KSR2: variants seen among roughly 807,000 people sequenced by gnomAD.
The protein encoded by KSR2 is kinase suppressor of ras 2.
In KSR2, 25 loss-of-function variants were observed where a neutral mutation model predicts 107.8. The ratio of observed to expected loss-of-function variants is 0.23; its 90% CI spans 0.17 to 0.32. KSR2 has a LOEUF of 0.32. Ranked by LOEUF, KSR2 falls within the 10% of genes least tolerant of loss-of-function variation. The probability of loss-of-function intolerance (pLI) is 1.00; values close to 1 mark genes in which losing one functional copy is unlikely to be tolerated. For synonymous variants in KSR2, 480 were observed against 507.0 expected (o/e 0.95, Z 0.71); for missense variants, 887 against 1,268.9 (o/e 0.70, Z 4.57).
chr12:117,874,565 C>A (rs1470888436), intron 1 of KSR2, among the ~76,000 whole-genome samples: 1 of 152,078 alleles, frequency 6.6e-6, no homozygotes, highest in African/African-American at 2.4e-5. Flanking sequence ...GATGGGGAAA[C>A]CAGGCCTTGG....
chr12:117,927,672 G>A (rs1347635917), intron 1 of KSR2, among the ~76,000 whole-genome samples: 11 of 151,906 alleles, frequency 7.2e-5, no homozygotes, highest in East Asian at 3.9e-4. Flanking sequence ...CAACCTGGGC[G>A]ACAGAGCAAG....
chr12:117,652,068 C>T (rs1262625761), intron 5 of KSR2, among the ~76,000 whole-genome samples: 2 of 152,234 alleles, frequency 1.3e-5, no homozygotes, highest in Admixed American at 1.3e-4. Flanking sequence ...AATGGAAAAC[C>T]AAACATTGTA....
chr12:117,582,234 C>T (rs1226405556), intron 6 of KSR2, 56 bp downstream of exon 6: 1 of 1,493,446 alleles, frequency 6.7e-7, no homozygotes, highest in Non-Finnish European at 9.3e-7. Context: ...GGCCAGAGCC[C>T]CCACCCCTCA....
chr12:117,968,297 G>C lies in KSR2; in HGVS notation c.-42C>G. 2 of 410,868 alleles carry C rather than the reference G, an allele frequency of 4.9e-6. No individual in the cohort carries two copies. Among genetic ancestry groups the C allele is most frequent in the Non-Finnish European group, 6.9e-6 (2 of 291,582 alleles). The allele number at this position is 410,868 out of a possible 1,614,324, so 25.5% of individuals were successfully genotyped here. ...CCCTTCCCCTCCTCCTCCTCCCAGAGAGAAAAAAGAGGGGGGGGAGTAGAG... is the reference window on the plus strand; with the variant it reads ...CCCTTCCCCTCCTCCTCCTCCCAGACAGAAAAAAGAGGGGGGGGAGTAGAG... On this transcript the variant is annotated 5_prime_UTR_variant, in exon 1 of 20. Transcript: ENST00000339824.
At chr12:117,626,193 T>A (rs1882501754) in intron 5 of KSR2, among the ~76,000 whole-genome samples, 1 of 152,168 alleles carries the variant, frequency 6.6e-6, no homozygotes, top group Non-Finnish European at 1.5e-5. Context: ...GTTTTTTGTG[T>A]CTCTATCTCT....
At chr12:117,809,491 C>G (rs1891122869) in intron 3 of KSR2, among the ~76,000 whole-genome samples, 1 of 152,130 alleles carries the variant, frequency 6.6e-6, no homozygotes, top group African/African-American at 2.4e-5. Context: ...AAAAATCACC[C>G]CCAGTTGAGA....
intron 3 of KSR2, among the ~76,000 whole-genome samples, chr12:117,796,993 A>G (rs886501528): frequency 3.9e-5 from 6 of 152,170 alleles, no homozygotes; most frequent in African/African-American, 1.2e-4. Flanking sequence ...CTGGGAACAC[A>G]ACAAAGAACA....
intron 3 of KSR2, among the ~76,000 whole-genome samples, chr12:117,790,131 A>C (rs1890205729): frequency 6.6e-6 from 1 of 152,322 alleles, no homozygotes; most frequent in Non-Finnish European, 1.5e-5. Flanking sequence ...TTGTGAGCCC[A>C]AATATCTGAG....
At chr12:117,643,339 C>T (rs1565941210) in intron 5 of KSR2, among the ~76,000 whole-genome samples, 2 of 151,990 alleles carry the variant, frequency 1.3e-5, no homozygotes, top group African/African-American at 2.4e-5. Flanking sequence ...CCTAGCTACT[C>T]GGGAGGGTGA....
chr12:117,587,735 A>G (rs1362481361), intron 5 of KSR2, among the ~76,000 whole-genome samples: 1 of 152,206 alleles, frequency 6.6e-6, no homozygotes, highest in Admixed American at 6.5e-5. Flanking sequence ...AAATGAGCCA[A>G]GAAATAAGAG....
chr12:117,710,768 G>A lies in KSR2; in HGVS notation c.987-43110C>T, dbSNP rs550804704. On this transcript the variant is annotated intron_variant, in intron 4 of 19. Transcript: ENST00000339824. Reference sequence around the variant, plus strand: ...ATAAACGGTCAGTACTATCATGATGGTGATATTTTTTTAATGCATGCTCTG... The same window carrying A: ...ATAAACGGTCAGTACTATCATGATGATGATATTTTTTTAATGCATGCTCTG... Among the ~76,000 whole-genome samples the A allele has an allele frequency of 2.6e-5, 4 of 152,284 alleles. No homozygotes were observed. In the East Asian group the frequency reaches 7.7e-4, roughly 29 times the overall value.
chr12:117,743,677 A>G (rs1311263659), intron 4 of KSR2, among the ~76,000 whole-genome samples: 1 of 152,186 alleles, frequency 6.6e-6, no homozygotes, highest in African/African-American at 2.4e-5. Flanking sequence ...AATTTGGCCA[A>G]TGGGTGGCAT....
At chr12:117,804,332 C>G (rs948227455) in intron 3 of KSR2, among the ~76,000 whole-genome samples, 3 of 152,150 alleles carry the variant, frequency 2.0e-5, no homozygotes, top group South Asian at 4.1e-4. Flanking sequence ...CGTGAGCCAC[C>G]GCACCCGGCC....
At chr12:117,685,011 G>A (rs201208615) in intron 4 of KSR2, among the ~76,000 whole-genome samples, 2 of 152,140 alleles carry the variant, frequency 1.3e-5, no homozygotes, top group East Asian at 3.9e-4. Flanking sequence ...GGGAGGGGAG[G>A]GGTAGGGGCT....
chr12:117,801,838 T>TA, intron 3 of KSR2, among the ~76,000 whole-genome samples: 1 of 84,356 alleles, frequency 1.2e-5, no homozygotes, highest in African/African-American at 1.1e-4. Context: ...GGAAGTACCG[T>TA]GGGGGGAAGA....
At chr12:117,623,186 C>T (rs759284750) in intron 5 of KSR2, among the ~76,000 whole-genome samples, 11 of 152,160 alleles carry the variant, frequency 7.2e-5, no homozygotes, top group Non-Finnish European at 1.2e-4. Context: ...AGTTAAATTC[C>T]ATAACAATAT....
At chr12:117,558,651 ATGGATGGG>A in intron 7 of KSR2, 78 bp from the exon 8 acceptor site, 2 of 1,031,916 alleles carry the variant, frequency 1.9e-6, no homozygotes, top group South Asian at 1.3e-5. Flanking sequence ...GGATGAATGG[ATGGATGGG>A]TGGATGGGTG....
At chr12:117,553,113 T>C (rs1223462425) in intron 9 of KSR2, among the ~76,000 whole-genome samples, 4 of 152,266 alleles carry the variant, frequency 2.6e-5, no homozygotes, top group African/African-American at 9.6e-5. Context: ...ATTAAGTTAC[T>C]TGCTCAGTCT....
At chr12:117,627,526 G>GC (rs1455909369) in intron 5 of KSR2, among the ~76,000 whole-genome samples, 1 of 152,170 alleles carries the variant, frequency 6.6e-6, no homozygotes, top group Admixed American at 6.5e-5. Context: ...TTGAACATTG[G>GC]CCCCCACTCT....
Sources: allele counts gnomAD v4.1 joint callset (sites outside exome capture counted in the v4.1 genomes callset), GRCh38; gene constraint gnomAD v4.1.1; transcripts MANE v1.5; gene names NCBI Gene and HGNC (gene_info 2026-07-23, HGNC 2026-07-21).